SNX29: variants seen among roughly 807,000 people sequenced by gnomAD.
SNX29 encodes sorting nexin 29.
Under a neutral mutation model 102.1 loss-of-function variants are expected in SNX29, and 78 were observed. The observed-to-expected ratio is 0.76, with a 90% CI of 0.64 to 0.92. The LOEUF (loss-of-function observed/expected upper bound fraction) is 0.92, where lower values mean the gene tolerates loss of function less well. SNX29 is among the 40% of genes least tolerant of loss of function. SNX29 has a pLI of 0.00. For missense variants in SNX29, 1,280 were observed against 1,061.7 expected (o/e 1.21, Z -2.86); for synonymous variants, 580 against 414.5 (o/e 1.40, Z -4.85).
intron 1 of SNX29, among the ~76,000 whole-genome samples, chr16:11,989,670 A>G (rs1443202143): frequency 6.6e-6 from 1 of 152,060 alleles, no homozygotes; most frequent in Non-Finnish European, 1.5e-5. Context: ...AGATTCAACA[A>G]CTGTTGAGTT....
chr16:12,483,126 T>TTTTG (rs1567610279), intron 19 of SNX29, among the ~76,000 whole-genome samples: 3 of 128,218 alleles, frequency 2.3e-5, no homozygotes, highest in Non-Finnish European at 3.3e-5. Context: ...TTTTTTTTTT[T>TTTTG]TTTTTTTTTT....
intron 18 of SNX29, among the ~76,000 whole-genome samples, chr16:12,404,656 T>C (rs1467806973): frequency 6.6e-6 from 1 of 152,196 alleles, no homozygotes; most frequent in African/African-American, 2.4e-5. Flanking sequence ...AAGATATTTT[T>C]CCCCAAAGAG....
chr16:12,455,013 G>T (rs1158945843), intron 18 of SNX29, among the ~76,000 whole-genome samples: 1 of 152,192 alleles, frequency 6.6e-6, no homozygotes, highest in East Asian at 1.9e-4. Context: ...CTCCCAAAGT[G>T]CTGAGATTAC....
Position 12,572,226 on chromosome 16 carries a change from A to C in SNX29, c.*3597A>C, listed in dbSNP as rs1016286821. ...GTGCTTTAAAAACCAGAGGCTCCTG[A>C]AAGTCGTTTACACCAGGTGGATTGA... On this transcript the variant is annotated 3_prime_UTR_variant, in exon 21 of 21. Transcript: ENST00000566228. The C allele has an allele frequency of 5.9e-6, 6 of 1,019,174 alleles. No individual in the cohort carries two copies. The African/African-American group carries it at 6.6e-5, about 11-fold the overall frequency. 63.1% of individuals were successfully genotyped at this position (1,019,174 alleles called of 1,614,324 possible).
At chr16:12,509,498 A>C (rs1241598854) in intron 19 of SNX29, among the ~76,000 whole-genome samples, 1 of 152,214 alleles carries the variant, frequency 6.6e-6, no homozygotes, top group East Asian at 1.9e-4. Context: ...GAGCTCTTTC[A>C]GGGCAGAACA....
At chr16:12,030,920 C>T (rs555677782) in intron 4 of SNX29, among the ~76,000 whole-genome samples, 1 of 152,262 alleles carries the variant, frequency 6.6e-6, no homozygotes, top group South Asian at 2.1e-4. Context: ...CCCACAAGCT[C>T]CCCTCCTGCC....
intron 8 of SNX29, chr16:12,060,731 T>G: frequency 2.2e-6 from 1 of 455,660 alleles, no homozygotes; most frequent in South Asian, 1.6e-5. Flanking sequence ...TTATTAACAT[T>G]TCTTGATTGC....
At chr16:12,434,959 T>C (rs1035728327) in intron 18 of SNX29, among the ~76,000 whole-genome samples, 1 of 135,236 alleles carries the variant, frequency 7.4e-6, no homozygotes. Context: ...TTGGTGTCAG[T>C]CCTGTTATGG....
intron 14 of SNX29, among the ~76,000 whole-genome samples, chr16:12,232,396 G>A (rs1362777019): frequency 2.6e-5 from 4 of 152,182 alleles, no homozygotes; most frequent in South Asian, 2.1e-4. Flanking sequence ...ACATAGTGGC[G>A]TGCGCCTGTA....
chr16:12,259,661 C>A (rs757669513), intron 14 of SNX29, among the ~76,000 whole-genome samples: 2 of 152,322 alleles, frequency 1.3e-5, no homozygotes, highest in East Asian at 1.9e-4. Flanking sequence ...TCACCTAATG[C>A]TAGTCTTCAA....
intron 20 of SNX29, among the ~76,000 whole-genome samples, chr16:12,533,502 C>G (rs1357742079): frequency 6.6e-6 from 1 of 152,218 alleles, no homozygotes; most frequent in East Asian, 1.9e-4. Context: ...AGACTTGTCA[C>G]ATCAGAGAGC....
At chr16:12,349,047 CAG>C (rs1450197893) in intron 15 of SNX29, among the ~76,000 whole-genome samples, 1 of 152,204 alleles carries the variant, frequency 6.6e-6, no homozygotes, top group Non-Finnish European at 1.5e-5. Flanking sequence ...GGTAGAGGAG[CAG>C]AGAGCGCTGA....
chr16:12,308,943 G>A (rs761573028), intron 15 of SNX29, among the ~76,000 whole-genome samples: 1 of 152,166 alleles, frequency 6.6e-6, no homozygotes, highest in Non-Finnish European at 1.5e-5. Context: ...GGGAAATGCA[G>A]GTCACAACCA....
intron 14 of SNX29, among the ~76,000 whole-genome samples, chr16:12,250,267 T>C (rs1454632995): frequency 2.0e-5 from 3 of 152,204 alleles, no homozygotes; most frequent in African/African-American, 7.2e-5. Flanking sequence ...GCAGAGCCCC[T>C]GCCCAGCTCT....
At chr16:12,469,937 C>T (rs550344238) in intron 18 of SNX29, among the ~76,000 whole-genome samples, 37 of 152,218 alleles carry the variant, frequency 2.4e-4, no homozygotes, top group Non-Finnish European at 4.9e-4. Flanking sequence ...CACTTGAACC[C>T]GGGAGGCGGA....
At chr16:12,460,675 T>G (rs1353167316) in intron 18 of SNX29, among the ~76,000 whole-genome samples, 6 of 145,564 alleles carry the variant, frequency 4.1e-5, no homozygotes, top group Non-Finnish European at 1.5e-5. Flanking sequence ...TTTTTTTTTT[T>G]GAGACAGAGT....
intron 14 of SNX29, among the ~76,000 whole-genome samples, chr16:12,240,970 A>C (rs1045036759): frequency 2.6e-5 from 4 of 151,996 alleles, no homozygotes; most frequent in African/African-American, 9.7e-5. Flanking sequence ...TTTGACCCAT[A>C]GTGGTTTTTA....
chr16:12,072,080 G>A (rs757605214), intron 10 of SNX29, among the ~76,000 whole-genome samples: 60 of 152,118 alleles, frequency 3.9e-4, no homozygotes, highest in Admixed American at 3.7e-3. Context: ...GAGACAATGG[G>A]GTTTTCTAGA....
intron 14 of SNX29, among the ~76,000 whole-genome samples, chr16:12,216,394 A>G (rs1353338567): frequency 6.6e-6 from 1 of 152,178 alleles, no homozygotes; most frequent in Non-Finnish European, 1.5e-5. Context: ...AAAAAGCAAT[A>G]AATCATTGGT....
Sources: allele counts gnomAD v4.1 joint callset (sites outside exome capture counted in the v4.1 genomes callset), GRCh38; gene constraint gnomAD v4.1.1; transcripts MANE v1.5; gene names NCBI Gene and HGNC (gene_info 2026-07-23, HGNC 2026-07-21).